EDC4: variants seen among roughly 807,000 people sequenced by gnomAD.
The protein encoded by EDC4 is enhancer of mRNA decapping 4.
In EDC4, 64 loss-of-function variants were observed where a neutral mutation model predicts 155.8. That is an observed-to-expected ratio of 0.41 (90% CI 0.34 to 0.51). The LOEUF (loss-of-function observed/expected upper bound fraction) is 0.51, where lower values mean the gene tolerates loss of function less well. Among genes scored for constraint, EDC4 ranks in the 20% least tolerant of loss-of-function variants. EDC4 has a pLI of 0.19. For missense variants in EDC4, 1,303 were observed against 1,812.5 expected, an observed-to-expected ratio of 0.72 and a Z score of 5.10; for synonymous variants, 684 against 716.8, an observed-to-expected ratio of 0.95 and a Z score of 0.73.
Position 67,881,577 on chromosome 16 carries a change from G to C in EDC4, c.2826+44G>C. 6.2e-7 allele frequency: 1 copy of C among 1,613,466 alleles called. No homozygotes were observed. The highest frequency in any genetic ancestry group is 8.5e-7 in the Non-Finnish European group (1 of 1,179,848). On this transcript the variant is annotated intron_variant, in intron 21 of 28. Coordinates refer to ENST00000358933, the MANE Select transcript of EDC4 (RefSeq NM_014329.5). The surrounding 1 kb of genome is among the most constrained non-coding windows in gnomAD (Gnocchi z 5.4). ...TTTGTACTTGTGGAACTTCACCCTG[G>C]GCGGGTGGAGAAGGGCTCTGGGCCA...
Position 67,878,516 on chromosome 16 carries a change from A to G in EDC4, c.1089-20A>G. The G allele has an allele frequency of 6.2e-7, 1 of 1,614,194 alleles. No individual in the cohort carries two copies. Among genetic ancestry groups the G allele is most frequent in the Non-Finnish European group, 8.5e-7 (1 of 1,180,020 alleles). Reference sequence around the variant, plus strand: ...CAGCAGGGGCCCCAGCCAGTCACTCACTGCCTTGTTGCCTTGCAGTGTCCC... The same window carrying G: ...CAGCAGGGGCCCCAGCCAGTCACTCGCTGCCTTGTTGCCTTGCAGTGTCCC... On this transcript the variant is annotated intron_variant, in intron 9 of 28. Coordinates refer to ENST00000358933, the MANE Select transcript of EDC4 (RefSeq NM_014329.5). This position sits in a 1 kb window ranked among gnomAD's most constrained non-coding sequence, Gnocchi z 5.2.
intron 1 of EDC4, among the ~76,000 whole-genome samples, chr16:67,874,713 T>C (rs572767343): frequency 4.6e-5 from 7 of 152,236 alleles, no homozygotes; most frequent in Non-Finnish European, 1.0e-4. Context: ...CTTTGTTTAT[T>C]GATTGGCACT....
Position 67,876,096 on chromosome 16 carries a change from G to A in EDC4, c.234G>A (p.Gln78=). Residue 78 remains glutamine, a synonymous_variant, in exon 2 of 29, where the codon CAG becomes CAA. Coordinates refer to ENST00000358933, the MANE Select transcript of EDC4 (RefSeq NM_014329.5). This position sits in a 1 kb window ranked among gnomAD's most constrained non-coding sequence, Gnocchi z 5.8. ...TMPPINLQEK[Q]VICLSGDDSS... Reference sequence around the variant, plus strand: ...CACCCATTAACCTGCAAGAGAAGCAGGTCATGTGAGTACCTAGGAGACGAC... The same window carrying A: ...CACCCATTAACCTGCAAGAGAAGCAAGTCATGTGAGTACCTAGGAGACGAC... 1.2e-6 allele frequency: 2 copies of A among 1,614,090 alleles called. No individual in the cohort carries two copies. Among genetic ancestry groups the A allele is most frequent in the East Asian group, 2.2e-5 (1 of 44,880 alleles).
In EDC4 at chr16:67,882,418, T is replaced by A. The variant is rs1189628070; in HGVS notation, c.3277-11T>A. ...TCAGGCTTTCAACTTGGCCCCTCCC[T>A]CTAACCCCAGAACTTGACTGATGCC... On this transcript the variant is annotated splice_polypyrimidine_tract_variant and intron_variant, in intron 24 of 28. Transcript: ENST00000358933. This position sits in a 1 kb window ranked among gnomAD's most constrained non-coding sequence, Gnocchi z 7.2. 6.2e-7 allele frequency: 1 copy of A among 1,613,020 alleles called. No homozygotes were observed. The highest frequency in any genetic ancestry group is 1.7e-5 in the Admixed American group (1 of 59,994).
chr16:67,881,969 G>A lies in EDC4; in HGVS notation c.3020G>A (p.Arg1007Gln), dbSNP rs779670866. 19 of 1,607,904 alleles carry A rather than the reference G, an allele frequency of 1.2e-5. No individual in the cohort carries two copies. Among genetic ancestry groups the A allele is most frequent in the Non-Finnish European group, 1.4e-5 (17 of 1,177,172 alleles). ...RHEQEQRRLE[R>Q]ALAEGQQRGG... ...TATGGCGCAGAGCGGCGGCTGGAGC[G>A]AGCACTGGCTGAGGGGCAGCAGCGG... Residue 1007 changes from arginine (R) to glutamine (Q), a missense_variant, in exon 23 of 29, where the codon CGA becomes CAA. Physicochemically the swap from Arg to Gln is conservative, Grantham distance 43 (BLOSUM62 1). Coordinates refer to ENST00000358933, the MANE Select transcript of EDC4 (RefSeq NM_014329.5). The surrounding 1 kb of genome is among the most constrained non-coding windows in gnomAD (Gnocchi z 5.4).
chr16:67,875,713 T>C (rs2058038641), intron 1 of EDC4: 1 of 1,344,980 alleles, frequency 7.4e-7, no homozygotes, highest in Non-Finnish European at 9.6e-7. Context: ...CAAAGGGTCC[T>C]TGATGGCTTG....
In EDC4 at chr16:67,879,489, C is replaced by T. The variant is rs1180488304; in HGVS notation, c.1619C>T (p.Ala540Val). 1 of 1,614,220 alleles carries T rather than the reference C, an allele frequency of 6.2e-7. No homozygotes were observed. Among genetic ancestry groups the T allele is most frequent in the East Asian group, 2.2e-5 (1 of 44,894 alleles). ...DVVAPLPTHT[A>V]HEDFTFGESR... ...GTGGCCCCACTGCCCACCCACACTGCCCACGAGGACTTCAGTGAGTAGGGC... is the reference window on the plus strand; with the variant it reads ...GTGGCCCCACTGCCCACCCACACTGTCCACGAGGACTTCAGTGAGTAGGGC... The change falls in exon 14 of 29, where the codon GCC becomes GTC. Residue 540 changes from alanine (A) to valine (V), a missense_variant. By Grantham distance (64) the Ala-to-Val change is moderately conservative. Transcript: ENST00000358933. This position sits in a 1 kb window ranked among gnomAD's most constrained non-coding sequence, Gnocchi z 6.0.
Position 67,879,637 on chromosome 16 carries a change from G to A in EDC4, c.1684G>A (p.Ala562Thr), listed in dbSNP as rs1188297272. The A allele has an allele frequency of 7.4e-6, 12 of 1,614,004 alleles. No homozygotes were observed. The highest frequency in any genetic ancestry group is 1.3e-5 in the African/African-American group (1 of 74,914). ...ELGSEGLGSA[A>T]HGSQPDLRRI... The stretch of plus-strand genomic sequence containing the variant: ...GGGCTCTGAGGGCCTGGGGTCAGCC[G>A]CTCACGGCTCCCAGCCTGACCTCCG... Residue 562 changes from alanine to threonine, a missense_variant, in exon 15 of 29, where the codon GCT becomes ACT. This residue lies in a region of EDC4 where 391 missense variants were observed against 445.4 expected (regional missense o/e 0.88). Coordinates refer to ENST00000358933, the MANE Select transcript of EDC4 (RefSeq NM_014329.5). The surrounding 1 kb of genome is among the most constrained non-coding windows in gnomAD (Gnocchi z 6.0).
chr16:67,883,999 A>C lies in EDC4; in HGVS notation c.4057A>C (p.Ile1353Leu), dbSNP rs372627479. ...AVMHLDHSDP[I>L]TRDHMGSVMA... ...GATGCACCTGGACCACAGTGACCCC[A>C]TCACTCGGGACCACATGGGCTCCGT... The change falls in exon 29 of 29, where the codon ATC becomes CTC. Residue 1353 changes from isoleucine to leucine, a missense_variant. Transcript: ENST00000358933. The surrounding 1 kb of genome is among the most constrained non-coding windows in gnomAD (Gnocchi z 5.3). 6.2e-7 allele frequency: 1 copy of C among 1,613,500 alleles called. No individual in the cohort carries two copies. Among genetic ancestry groups the C allele is most frequent in the African/African-American group, 1.3e-5 (1 of 74,900 alleles).
At chr16:67,874,224 G>A (rs2058033101) in intron 1 of EDC4, among the ~76,000 whole-genome samples, 1 of 152,176 alleles carries the variant, frequency 6.6e-6, no homozygotes, top group Non-Finnish European at 1.5e-5. Context: ...AATAGCACGT[G>A]TGCAGGCACT....
At chr16:67,875,465 T>C (rs1168280516) in intron 1 of EDC4, among the ~76,000 whole-genome samples, 1 of 152,236 alleles carries the variant, frequency 6.6e-6, no homozygotes, top group Non-Finnish European at 1.5e-5. Context: ...TGGCCAGAAC[T>C]GACCACATCA....
intron 1 of EDC4, among the ~76,000 whole-genome samples, chr16:67,874,984 G>C (rs532531218): frequency 1.3e-5 from 2 of 152,306 alleles, no homozygotes; most frequent in African/African-American, 4.8e-5. Flanking sequence ...GGAGGCTGAT[G>C]CAGGAGAATC....
In EDC4 at chr16:67,875,950, A is replaced by T. The variant is rs746487029; in HGVS notation, c.88A>T (p.Ser30Cys). Reference sequence around the variant, plus strand: ...ATGACCCTCTTTGTCCCCAGGCCCCAGTGCAGAGAGCCCACGGCCATCCAG... The same window carrying T: ...ATGACCCTCTTTGTCCCCAGGCCCCTGTGCAGAGAGCCCACGGCCATCCAG... ...LKLDRPAGGP[S>C]AESPRPSSAY... The change falls in exon 2 of 29, where the codon AGT becomes TGT. Residue 30 changes from serine (S) to cysteine (C), a missense_variant. By Grantham distance (112) the Ser-to-Cys change is moderately radical (BLOSUM62 -1). Transcript: ENST00000358933. The T allele has an allele frequency of 6.8e-6, 11 of 1,613,248 alleles. No homozygotes were observed. The South Asian group carries it at 1.1e-4, about 16-fold the overall frequency.
rs373345696 is a variant in EDC4, at chr16:67,881,888, G to T, written c.3004+43G>T. 1 of 1,605,040 alleles carries T rather than the reference G, an allele frequency of 6.2e-7. No homozygotes were observed. The highest frequency in any genetic ancestry group is 8.5e-7 in the Non-Finnish European group (1 of 1,172,756). On this transcript the variant is annotated intron_variant, in intron 22 of 28. Transcript: ENST00000358933. This position sits in a 1 kb window ranked among gnomAD's most constrained non-coding sequence, Gnocchi z 5.4. The stretch of plus-strand genomic sequence containing the variant: ...AGCACAACATGGCATAGGGACGGGG[G>T]CAGCATTCTTGGCCTGGGAAGGAGT...
At chr16:67,873,557 C>T in intron 1 of EDC4, 2 of 424,398 alleles carry the variant, frequency 4.7e-6, no homozygotes, top group South Asian at 1.2e-4. Context: ...CCTTGTCCTT[C>T]AGCGTCTCGG....
rs903549284 is a variant in EDC4 at position 67,879,086 on chromosome 16, C to T, written c.1417C>T (p.Arg473Trp). The T allele has an allele frequency of 1.5e-5, 25 of 1,613,694 alleles. No individual in the cohort carries two copies. Among genetic ancestry groups the T allele is most frequent in the African/African-American group, 5.3e-5 (4 of 74,948 alleles). Residue 473 changes from arginine (R) to tryptophan (W), a missense_variant, in exon 12 of 29, where the codon CGG becomes TGG. Physicochemically the swap from Arg to Trp is moderately radical, Grantham distance 101 (BLOSUM62 -3). Transcript: ENST00000358933. This position sits in a 1 kb window ranked among gnomAD's most constrained non-coding sequence, Gnocchi z 6.0. ...CCAGGTTGTGAGTCGCTGCCGGCTA[C>T]GGCACACTGAGGTGCTGCCTGCCGA... ...GIQVVSRCRL[R>W]HTEVLPAEEE...
At chr16:67,875,909 G>T in intron 1 of EDC4, 36 bp from the exon 2 acceptor site, 1 of 1,596,488 alleles carries the variant, frequency 6.3e-7, no homozygotes, top group South Asian at 1.1e-5. Flanking sequence ...TGGGCAGGTC[G>T]AGCAACCTTA....
intron 1 of EDC4, among the ~76,000 whole-genome samples, chr16:67,874,403 C>G (rs1029510287): frequency 6.6e-6 from 1 of 152,198 alleles, no homozygotes; most frequent in African/African-American, 2.4e-5. Flanking sequence ...TCAACTAACC[C>G]CTACTTTCAG....
Position 67,883,254 on chromosome 16 carries a change from C to T in EDC4, c.3849+77C>T. Reference sequence around the variant, plus strand: ...CACATACCATACATTCTACTCCACCCACCACCTTTGCACCTTCTGGCCCCA... The same window carrying T: ...CACATACCATACATTCTACTCCACCTACCACCTTTGCACCTTCTGGCCCCA... On this transcript the variant is annotated intron_variant, in intron 27 of 28. Transcript: ENST00000358933. The surrounding 1 kb of genome is among the most constrained non-coding windows in gnomAD (Gnocchi z 5.3). 6.7e-7 allele frequency: 1 copy of T among 1,483,440 alleles called. No individual in the cohort carries two copies. Among genetic ancestry groups the T allele is most frequent in the Non-Finnish European group, 9.0e-7 (1 of 1,114,490 alleles). 91.9% of individuals were successfully genotyped at this position (1,483,440 alleles called of 1,614,324 possible).
Sources: gnomAD v4.1 joint callset for allele counts (sites outside exome capture counted in the v4.1 genomes callset) on GRCh38, gnomAD v4.1.1 for gene constraint, gnomAD v4.1.1 regional missense constraint, Gnocchi (gnomAD v3.1) non-coding constraint, MANE v1.5 for transcripts, NCBI Gene and HGNC (gene_info 2026-07-23, HGNC 2026-07-21) for gene names.